Variants in ELANE observed in about 807,000 individuals in gnomAD.
ELANE encodes elastase, neutrophil expressed, also known as neutrophil elastase.
Under a neutral mutation model 20.6 loss-of-function variants are expected in ELANE, and 12 were observed. The observed-to-expected ratio is 0.58, with a 90% CI of 0.37 to 0.94. ELANE has a LOEUF of 0.94. ELANE is among the 40% of genes least tolerant of loss of function. The pLI is 0.01. For synonymous variants in ELANE, 203 were observed against 177.4 expected, an observed-to-expected ratio of 1.14 and a Z score of -1.15; for missense variants, 388 against 395.2, an observed-to-expected ratio of 0.98 and a Z score of 0.15.
rs1331462254 is a variant in ELANE, at chr19:855,919, C to T, written c.598-39C>T. 2 of 1,611,046 alleles carry T rather than the reference C, an allele frequency of 1.2e-6. No individual in the cohort carries two copies. The highest frequency in any genetic ancestry group is 1.3e-5 in the African/African-American group (1 of 74,924). The stretch of plus-strand genomic sequence containing the variant: ...ACAGGCGGCGGGCAGGTGGGCAGGG[C>T]CTCGCAGTCCAGCTTCCCCACCTTG... On this transcript the variant is annotated intron_variant, in intron 4 of 4. Transcript: ENST00000263621. This position sits in a 1 kb window ranked among gnomAD's most constrained non-coding sequence, Gnocchi z 6.2.
rs2035658434 is a variant in ELANE, at chr19:855,204, T to C, written c.367-360T>C. ...TGGGGCTTTGCCACATTGCCCAGGC[T>C]GGTCTTGAATGCCTGGCCTCAAGTG... On this transcript the variant is annotated intron_variant, in intron 3 of 4. Coordinates refer to ENST00000263621, the MANE Select transcript of ELANE (RefSeq NM_001972.4). This position sits in a 1 kb window ranked among gnomAD's most constrained non-coding sequence, Gnocchi z 6.2. Among the ~76,000 whole-genome samples the C allele has an allele frequency of 6.6e-6, 1 of 152,104 alleles. No individual in the cohort carries two copies. The highest frequency in any genetic ancestry group is 2.4e-5 in the African/African-American group (1 of 41,432).
In ELANE at chr19:852,879, C is replaced by T; in HGVS notation, c.71C>T (p.Thr24Ile). The change falls in exon 2 of 5, where the codon ACC becomes ATC. Residue 24 changes from threonine to isoleucine, a missense_variant. Around this residue, in one of 3 missense-constraint regions of ELANE, gnomAD observed 58 missense variants for 56.7 expected, o/e 1.02. Coordinates refer to ENST00000263621, the MANE Select transcript of ELANE (RefSeq NM_001972.4). ...CVLPALLLGG[T>I]ALASEIVGGR... ...CCCGCACCCGGTGTGTCCCCAGGCACCGCGCTGGCCTCGGAGATTGTGGGG... is the reference window on the plus strand; with the variant it reads ...CCCGCACCCGGTGTGTCCCCAGGCATCGCGCTGGCCTCGGAGATTGTGGGG... 4.4e-6 allele frequency: 7 copies of T among 1,595,090 alleles called. No homozygotes were observed. Among genetic ancestry groups the T allele is most frequent in the Non-Finnish European group, 5.9e-6 (7 of 1,176,850 alleles).
chr19:853,421 G>A lies in ELANE; in HGVS notation c.366+18G>A, dbSNP rs780911257. 42 of 1,580,368 alleles carry A rather than the reference G, an allele frequency of 2.7e-5. No homozygotes were observed. The highest frequency in any genetic ancestry group is 3.3e-5 in the Non-Finnish European group (39 of 1,164,372). On this transcript the variant is annotated intron_variant, in intron 3 of 4. Transcript: ENST00000263621. Reference sequence around the variant, plus strand: ...TTCTCCAGGTGCCGCCGGGCGGGGCGGGGGGCGCAGGGGCGGAGGCCAGAG... The same window carrying A: ...TTCTCCAGGTGCCGCCGGGCGGGGCAGGGGGCGCAGGGGCGGAGGCCAGAG...
rs948747977 is a variant in ELANE, at chr19:855,485, G to A, written c.367-79G>A. The stretch of plus-strand genomic sequence containing the variant: ...AGAACCACAGTGGAACCTGAGATGG[G>A]GAAACTGAGGCCCGGAGAGGGGAGG... On this transcript the variant is annotated intron_variant, in intron 3 of 4. Transcript: ENST00000263621. This position sits in a 1 kb window ranked among gnomAD's most constrained non-coding sequence, Gnocchi z 6.2. The A allele has an allele frequency of 3.4e-6, 5 of 1,470,716 alleles. No homozygotes were observed. The highest frequency in any genetic ancestry group is 1.4e-5 in the African/African-American group (1 of 71,856). 91.1% of individuals were successfully genotyped at this position (1,470,716 alleles called of 1,614,324 possible).
Position 855,161 on chromosome 19 carries a change from T to A in ELANE, c.367-403T>A, listed in dbSNP as rs182868445. Among the ~76,000 whole-genome samples, 216 of 152,204 alleles carry A rather than the reference T, an allele frequency of 1.4e-3. 3 individuals are homozygous for A. Among genetic ancestry groups the A allele is most frequent in the Admixed American group, 3.8e-3 (58 of 15,260 alleles). The stretch of plus-strand genomic sequence containing the variant: ...AGCCACCGCACCTGGCAATTTTTTT[T>A]TATTATTTTTGTAGACATGGGGCTT... On this transcript the variant is annotated intron_variant, in intron 3 of 4. Transcript: ENST00000263621. This position sits in a 1 kb window ranked among gnomAD's most constrained non-coding sequence, Gnocchi z 6.2.
rs2035662360 is a variant in ELANE, at chr19:855,528, G to A, written c.367-36G>A. 2.5e-6 allele frequency: 4 copies of A among 1,590,272 alleles called. No individual in the cohort carries two copies. Among genetic ancestry groups the A allele is most frequent in the South Asian group, 1.1e-5 (1 of 90,538 alleles). ...AGGGGAGGGTCATCATCACTGCCCC[G>A]TGTGACGCGCTGACGATCTGTCCCC... On this transcript the variant is annotated intron_variant, in intron 3 of 4. Coordinates refer to ENST00000263621, the MANE Select transcript of ELANE (RefSeq NM_001972.4). The surrounding 1 kb of genome is among the most constrained non-coding windows in gnomAD (Gnocchi z 6.2).
chr19:854,819 TA>T (rs2145147327), intron 3 of ELANE, among the ~76,000 whole-genome samples: 1 of 146,584 alleles, frequency 6.8e-6, no homozygotes, highest in African/African-American at 2.5e-5. Flanking sequence ...TATATAAAAA[TA>T]TTTTTATAAA....
At chr19:853,241 C>T in intron 2 of ELANE, 21 bp from the exon 3 acceptor site, 2 of 1,576,218 alleles carry the variant, frequency 1.3e-6, no homozygotes, top group Non-Finnish European at 1.7e-6. Flanking sequence ...CCCCTGAGCC[C>T]CGCCTCTCCC....
rs1183281178 is a variant in ELANE at position 855,761 on chromosome 19, T to C, written c.564T>C (p.Thr188=). 6 of 1,609,256 alleles carry C rather than the reference T, an allele frequency of 3.7e-6. No homozygotes were observed. The Admixed American group carries it at 1.0e-4, about 27-fold the overall frequency. Residue 188 remains threonine (T), a synonymous_variant, in exon 4 of 5, where the codon ACT becomes ACC. Transcript: ENST00000263621. This position sits in a 1 kb window ranked among gnomAD's most constrained non-coding sequence, Gnocchi z 6.2. ...TSLCRRSNVC[T]LVRGRQAGVC... ...TCTGCCGTCGCAGCAACGTCTGCAC[T>C]CTCGTGAGGGGCCGGCAGGCCGGCG...
Position 853,370 on chromosome 19 carries a change from C to G in ELANE, c.333C>G (p.Pro111=), listed in dbSNP as rs774932781. 34 of 1,611,040 alleles carry G rather than the reference C, an allele frequency of 2.1e-5. No individual in the cohort carries two copies. The highest frequency in any genetic ancestry group is 7.7e-5 in the South Asian group (7 of 90,870). The part of the protein sequence containing the change: ...VQRIFENGYD[P]VNLLNDIVIL... ...GCATCTTCGAAAACGGCTACGACCC[C>G]GTAAACTTGCTCAACGACATCGTGA... The change falls in exon 3 of 5, where the codon CCC becomes CCG. Residue 111 remains proline, a synonymous_variant. Coordinates refer to ENST00000263621, the MANE Select transcript of ELANE (RefSeq NM_001972.4).
In ELANE at chr19:853,004, A is replaced by G; in HGVS notation, c.196A>G (p.Met66Val). The change falls in exon 2 of 5, where the codon ATG (methionine) becomes GTG (valine). Residue 66 changes from methionine to valine, a missense_variant. Physicochemically the swap from Met to Val is conservative, Grantham distance 21. Transcript: ENST00000263621. Reference protein sequence around the residue: ...GATLIAPNFVMSAAHCVANVN... With the variant: ...GATLIAPNFVVSAAHCVANVN... The stretch of plus-strand genomic sequence containing the variant: ...CACCCTGATTGCGCCCAACTTCGTC[A>G]TGTCGGCCGCGCACTGCGTGGCGAA... 1.3e-6 allele frequency: 2 copies of G among 1,573,720 alleles called. No homozygotes were observed. The highest frequency in any genetic ancestry group is 1.7e-6 in the Non-Finnish European group (2 of 1,166,970).
chr19:852,523 C>G, intron 1 of ELANE, 128 bp downstream of exon 1: 1 of 1,256,322 alleles, frequency 8.0e-7, no homozygotes, highest in Non-Finnish European at 1.1e-6. Flanking sequence ...GACAAGGAGA[C>G]CAGAAGAGAC....
chr19:854,349 G>A (rs1425050948), intron 3 of ELANE, among the ~76,000 whole-genome samples: 1 of 151,784 alleles, frequency 6.6e-6, no homozygotes, highest in Non-Finnish European at 1.5e-5. Context: ...TCAGGAGGCT[G>A]AGGAAGGAGA....
chr19:853,412 G>T lies in ELANE; in HGVS notation c.366+9G>T. On this transcript the variant is annotated intron_variant, in intron 3 of 4. Transcript: ENST00000263621. ...ACATCGTGATTCTCCAGGTGCCGCC[G>T]GGCGGGGCGGGGGGCGCAGGGGCGG... is the stretch of plus-strand genomic sequence containing the variant. The T allele has an allele frequency of 6.3e-7, 1 of 1,592,118 alleles. No homozygotes were observed. Among genetic ancestry groups the T allele is most frequent in the Non-Finnish European group, 8.5e-7 (1 of 1,170,112 alleles).
chr19:853,452 G>T (rs1460464892), intron 3 of ELANE, 49 bp downstream of exon 3: 1 of 1,548,684 alleles, frequency 6.5e-7, no homozygotes, highest in Admixed American at 2.0e-5. Flanking sequence ...CAGAGGCCTG[G>T]GGAGGGTGGA....
chr19:853,242 CG>C lies in ELANE; in HGVS notation c.225-19del. ...GACCCCCGGGGCCGCCCCTGAGCCC[CG>C]CCTCTCCCTCCCCGGCAGAAACGTC... On this transcript the variant is annotated intron_variant, in intron 2 of 4. Coordinates refer to ENST00000263621, the MANE Select transcript of ELANE (RefSeq NM_001972.4). 1 of 1,577,414 alleles carries C rather than the reference CG, an allele frequency of 6.3e-7. No individual in the cohort carries two copies.
In ELANE at chr19:855,044, G is replaced by C. The variant is rs369455827; in HGVS notation, c.367-520G>C. Among the ~76,000 whole-genome samples, 1 of 151,826 alleles carries C rather than the reference G, an allele frequency of 6.6e-6. No individual in the cohort carries two copies. Among genetic ancestry groups the C allele is most frequent in the South Asian group, 2.1e-4 (1 of 4,812 alleles). ...AATTTTTGGTATTGTTAGTAGAGAC[G>C]GGGTTTAACCATGTTAGCCAGGATG... On this transcript the variant is annotated intron_variant, in intron 3 of 4. Transcript: ENST00000263621. The surrounding 1 kb of genome is among the most constrained non-coding windows in gnomAD (Gnocchi z 6.2).
rs547531709 is a variant in ELANE, at chr19:854,133, G to A, written c.366+730G>A. On this transcript the variant is annotated intron_variant, in intron 3 of 4. Transcript: ENST00000263621. ...AGTCCCCACCTTTCCACCCCTGTCC[G>A]CGGCTTGCAGTTCTGGTTATTTCCT... 1.4e-3 allele frequency among the ~76,000 whole-genome samples: 206 copies of A among 152,322 alleles called. No homozygotes were observed. In the Middle Eastern group the frequency reaches 0.017, roughly 13 times the overall value.
Position 852,953 on chromosome 19 carries a change from C to T in ELANE, c.145C>T (p.Leu49=). The change falls in exon 2 of 5, where the codon CTG becomes TTG. Residue 49 remains leucine, a synonymous_variant. Coordinates refer to ENST00000263621, the MANE Select transcript of ELANE (RefSeq NM_001972.4). ...GTGGCCCTTCATGGTGTCCCTGCAG[C>T]TGCGCGGAGGCCACTTCTGCGGCGC... ...HAWPFMVSLQ[L]RGGHFCGATL... The T allele has an allele frequency of 1.3e-6, 2 of 1,594,748 alleles. No homozygotes were observed. Among genetic ancestry groups the T allele is most frequent in the Non-Finnish European group, 8.5e-7 (1 of 1,176,732 alleles).
Sources: allele counts gnomAD v4.1 joint callset (sites outside exome capture counted in the v4.1 genomes callset), GRCh38; gene constraint gnomAD v4.1.1; regional missense constraint gnomAD v4.1.1; non-coding constraint Gnocchi (gnomAD v3.1); transcripts MANE v1.5; gene names NCBI Gene and HGNC (gene_info 2026-07-23, HGNC 2026-07-21).